LPO: variants seen among roughly 807,000 people sequenced by gnomAD.
LPO encodes the protein lactoperoxidase.
A neutral mutation model predicts 68.4 loss-of-function variants in LPO; 70 were observed. The ratio of observed to expected loss-of-function variants is 1.02; its 90% CI spans 0.84 to 1.25. The LOEUF (loss-of-function observed/expected upper bound fraction) is 1.25. Among genes scored for constraint, LPO ranks in the 50% most tolerant of loss-of-function variants. The probability of loss-of-function intolerance (pLI) is 0.00; values close to 1 mark genes in which losing one functional copy is unlikely to be tolerated. For missense variants in LPO, 873 were observed against 908.4 expected, an observed-to-expected ratio of 0.96 and a Z score of 0.50; for synonymous variants, 360 against 357.6, an observed-to-expected ratio of 1.01 and a Z score of -0.08.
intron 8 of LPO, 82 bp from the exon 9 acceptor site, chr17:58,254,729 G>A: frequency 3.4e-6 from 5 of 1,461,810 alleles, no homozygotes; most frequent in Admixed American, 1.8e-5. Context: ...CGGTCCTGTG[G>A]GGCACCATCA....
intron 5 of LPO, 155 bp from the exon 6 acceptor site, chr17:58,249,411 A>G: frequency 8.2e-7 from 1 of 1,212,170 alleles, no homozygotes. Flanking sequence ...CCGCGCCTTC[A>G]GGGGGTGGGC....
At chr17:58,252,126 GCCAGGAC>G in intron 7 of LPO, 49 bp from the exon 8 acceptor site, 1 of 1,543,966 alleles carries the variant, frequency 6.5e-7, no homozygotes, top group Non-Finnish European at 8.9e-7. Flanking sequence ...GGGAGAGGTT[GCCAGGAC>G]CCAGCTGTTC....
At chr17:58,258,913 T>A (rs1970122761) in intron 9 of LPO, among the ~76,000 whole-genome samples, 1 of 152,260 alleles carries the variant, frequency 6.6e-6, no homozygotes, top group African/African-American at 2.4e-5. Context: ...ATTTTCAAAT[T>A]GGACTATTTG....
intron 7 of LPO, chr17:58,250,828 G>A: frequency 1.7e-6 from 1 of 585,262 alleles, no homozygotes. Flanking sequence ...ACTAAGCGCT[G>A]AGGATTCCAA....
intron 4 of LPO, 149 bp from the exon 5 acceptor site, chr17:58,248,911 T>A: frequency 1.4e-6 from 1 of 713,672 alleles, no homozygotes; most frequent in Non-Finnish European, 2.6e-6. Flanking sequence ...TGCTGTCAGA[T>A]TAATTGAGAA....
At chr17:58,250,854 G>A (rs761191525) in intron 7 of LPO, 8 of 538,072 alleles carry the variant, frequency 1.5e-5, no homozygotes, top group South Asian at 4.4e-5. Flanking sequence ...ACAGGACACC[G>A]CTCCTGCTCT....
intron 10 of LPO, among the ~76,000 whole-genome samples, chr17:58,265,438 ATTAAC>A (rs1331964840): frequency 6.6e-6 from 1 of 152,144 alleles, no homozygotes; most frequent in Non-Finnish European, 1.5e-5. Context: ...TTGTGTTGAA[ATTAAC>A]TTTACTTAAA....
In LPO at chr17:58,243,985, A is replaced by G; in HGVS notation, c.77-9A>G. 3 of 1,611,306 alleles carry G rather than the reference A, an allele frequency of 1.9e-6. No homozygotes were observed. The highest frequency in any genetic ancestry group is 2.2e-5 in the South Asian group (2 of 91,002). On this transcript the variant is annotated splice_polypyrimidine_tract_variant and intron_variant, in intron 2 of 12. Transcript: ENST00000262290. ...CACCCTACTTCCTGCTCCCCACTCC[A>G]ACCCCAAGCGCAGACTACCAGAACC...
At chr17:58,256,650 C>G (rs1188253945) in intron 9 of LPO, among the ~76,000 whole-genome samples, 2 of 151,794 alleles carry the variant, frequency 1.3e-5, no homozygotes, top group Non-Finnish European at 2.9e-5. Context: ...CTTGTCTCTA[C>G]TAAAAATACA....
rs760838783 is a variant in LPO at position 58,264,914 on chromosome 17, C to T, written c.1459C>T (p.Pro487Ser). ...RLDENYQPWG[P>S]EPELPLHTLF... Reference sequence around the variant, plus strand: ...GGATGAGAATTATCAGCCATGGGGGCCAGAACCAGAACTCCCCCTCCACAC... The same window carrying T: ...GGATGAGAATTATCAGCCATGGGGGTCAGAACCAGAACTCCCCCTCCACAC... Residue 487 changes from proline to serine, a missense_variant, in exon 10 of 13, where the codon CCA (proline) becomes TCA (serine). By Grantham distance (74) the Pro-to-Ser change is moderately conservative. Coordinates refer to ENST00000262290, the MANE Select transcript of LPO (RefSeq NM_006151.3). 2.5e-6 allele frequency: 4 copies of T among 1,614,060 alleles called. No individual in the cohort carries two copies. The highest frequency in any genetic ancestry group is 2.2e-5 in the East Asian group (1 of 44,896).
intron 10 of LPO, 107 bp downstream of exon 10, chr17:58,265,081 G>T: frequency 2.1e-6 from 3 of 1,432,162 alleles, no homozygotes; most frequent in Non-Finnish European, 1.9e-6. Flanking sequence ...CATGACCTTG[G>T]GCAAATGAAT....
At chr17:58,262,912 T>C (rs1970200101) in intron 9 of LPO, among the ~76,000 whole-genome samples, 1 of 152,240 alleles carries the variant, frequency 6.6e-6, no homozygotes, top group Non-Finnish European at 1.5e-5. Context: ...ATTCAAATCC[T>C]TTTTCAGTTT....
Position 58,249,084 on chromosome 17 carries a change from T to C in LPO, c.350T>C (p.Leu117Pro). Residue 117 changes from leucine to proline, a missense_variant, in exon 5 of 13, where the codon CTG (leucine) becomes CCG (proline). Leu to Pro is a moderately conservative substitution (Grantham distance 98). Coordinates refer to ENST00000262290, the MANE Select transcript of LPO (RefSeq NM_006151.3). Reference protein sequence around the residue: ...VTDPSLDLTSLSLEVGCGAPA... With the variant: ...VTDPSLDLTSPSLEVGCGAPA... ...GATCCCAGCCTGGACTTGACTTCAC[T>C]GTCTCTGGAGGTGGGCTGTGGTGCT... 6.2e-7 allele frequency: 1 copy of C among 1,614,190 alleles called. No individual in the cohort carries two copies. Among genetic ancestry groups the C allele is most frequent in the Non-Finnish European group, 8.5e-7 (1 of 1,180,014 alleles).
At chr17:58,242,184 G>T (rs1034290281) in intron 1 of LPO, among the ~76,000 whole-genome samples, 2 of 152,210 alleles carry the variant, frequency 1.3e-5, no homozygotes, top group African/African-American at 2.4e-5. Flanking sequence ...GCTCCACTAA[G>T]CCCAGTGAAG....
intron 1 of LPO, among the ~76,000 whole-genome samples, chr17:58,241,518 C>CA (rs1451978498): frequency 6.6e-6 from 1 of 152,098 alleles, no homozygotes. Context: ...ATGAACCCTG[C>CA]AATGGGTCCC....
intron 7 of LPO, 142 bp downstream of exon 7, chr17:58,250,763 T>G: frequency 2.5e-6 from 2 of 789,350 alleles, no homozygotes; most frequent in Admixed American, 2.2e-5. Context: ...GTCCATTCGT[T>G]CACTCATCCG....
At chr17:58,246,637 A>G (rs1218192374) in intron 3 of LPO, among the ~76,000 whole-genome samples, 1 of 152,172 alleles carries the variant, frequency 6.6e-6, no homozygotes, top group East Asian at 1.9e-4. Flanking sequence ...GGCTAAGCCC[A>G]GGGAGGCCCA....
intron 7 of LPO, chr17:58,250,823 G>A: frequency 1.7e-6 from 1 of 590,826 alleles, no homozygotes; most frequent in East Asian, 2.9e-5. Flanking sequence ...AGTGCACTAA[G>A]CGCTGAGGAT....
chr17:58,258,085 C>T (rs559758224), intron 9 of LPO, among the ~76,000 whole-genome samples: 9 of 152,200 alleles, frequency 5.9e-5, no homozygotes, highest in South Asian at 2.1e-4. Context: ...TCTCCCATTC[C>T]GTGGGTTATC....
Sources: allele counts gnomAD v4.1 joint callset (sites outside exome capture counted in the v4.1 genomes callset), GRCh38; gene constraint gnomAD v4.1.1; transcripts MANE v1.5; gene names NCBI Gene and HGNC (gene_info 2026-07-23, HGNC 2026-07-21).